Variants in CPNE8 observed in about 807,000 individuals in gnomAD.
CPNE8 encodes the protein copine 8, also known as copine-8.
Under a neutral mutation model 81.5 loss-of-function variants are expected in CPNE8, and 45 were observed. The ratio of observed to expected loss-of-function variants is 0.55; its 90% CI spans 0.44 to 0.71. The LOEUF (loss-of-function observed/expected upper bound fraction) is 0.71. CPNE8 is among the 30% of genes least tolerant of loss of function. The probability of loss-of-function intolerance (pLI) is 0.00; values close to 1 mark genes in which losing one functional copy is unlikely to be tolerated. For synonymous variants in CPNE8, 252 were observed against 226.3 expected (o/e 1.11, Z -1.02); for missense variants, 594 against 672.1 (o/e 0.88, Z 1.28).
Position 38,747,937 on chromosome 12 carries a change from T to C in CPNE8, c.722+12910A>G, listed in dbSNP as rs191329489. Among the ~76,000 whole-genome samples the C allele has an allele frequency of 1.6e-3, 246 of 152,282 alleles. 2 individuals carry two copies. The highest frequency in any genetic ancestry group is 5.6e-3 in the African/African-American group (233 of 41,564). On this transcript the variant is annotated intron_variant, in intron 10 of 19. Transcript: ENST00000331366. Reference sequence around the variant, plus strand: ...TATAAAGCACTCTGTAATTTTCATTTTTCATTTTATTAAAAAAAGCATACT... The same window carrying C: ...TATAAAGCACTCTGTAATTTTCATTCTTCATTTTATTAAAAAAAGCATACT...
chr12:38,900,034 A>T (rs1021262335), intron 1 of CPNE8, among the ~76,000 whole-genome samples: 4 of 152,222 alleles, frequency 2.6e-5, no homozygotes, highest in African/African-American at 9.6e-5. Flanking sequence ...AGCATTTCTT[A>T]AATTTATTTT....
intron 13 of CPNE8, among the ~76,000 whole-genome samples, chr12:38,710,575 C>G (rs1035148166): frequency 6.6e-6 from 1 of 152,184 alleles, no homozygotes; most frequent in African/African-American, 2.4e-5. Flanking sequence ...ATAGCAAATA[C>G]TCTACATGCT....
At chr12:38,797,158 C>T (rs1011154415) in intron 6 of CPNE8, among the ~76,000 whole-genome samples, 4 of 152,318 alleles carry the variant, frequency 2.6e-5, no homozygotes, top group East Asian at 1.9e-4. Context: ...CCTCTGCAGA[C>T]GTAAATGTCC....
At chr12:38,671,271 A>G (rs1033807525) in intron 18 of CPNE8, among the ~76,000 whole-genome samples, 4 of 152,122 alleles carry the variant, frequency 2.6e-5, no homozygotes, top group Non-Finnish European at 4.4e-5. Context: ...CAGCAAAGCC[A>G]TACACATACA....
intron 6 of CPNE8, among the ~76,000 whole-genome samples, chr12:38,814,067 A>G (rs1942981307): frequency 6.6e-6 from 1 of 152,066 alleles, no homozygotes. Context: ...GATAGAAAGA[A>G]TGGAGGGGGA....
intron 5 of CPNE8, among the ~76,000 whole-genome samples, chr12:38,837,945 G>T (rs142938936): frequency 6.6e-6 from 1 of 152,190 alleles, no homozygotes; most frequent in African/African-American, 2.4e-5. Flanking sequence ...ATACATTTAT[G>T]ATTTCTAGGA....
At chr12:38,898,842 A>G (rs1944422618) in intron 1 of CPNE8, among the ~76,000 whole-genome samples, 1 of 152,232 alleles carries the variant, frequency 6.6e-6, no homozygotes, top group South Asian at 2.1e-4. Context: ...GCTTTCGCAG[A>G]TGGTCAGTTA....
At chr12:38,733,538 T>C (rs1332396436) in intron 10 of CPNE8, among the ~76,000 whole-genome samples, 3 of 151,960 alleles carry the variant, frequency 2.0e-5, no homozygotes, top group African/African-American at 4.8e-5. Context: ...ACTGTTTTGC[T>C]ATTTCCTGTT....
At chr12:38,879,942 A>G (rs1213122673) in intron 1 of CPNE8, among the ~76,000 whole-genome samples, 1 of 152,218 alleles carries the variant, frequency 6.6e-6, no homozygotes, top group East Asian at 1.9e-4. Context: ...AAGTGAAACA[A>G]CACATTAAAA....
At chr12:38,780,202 G>T (rs1942020932) in intron 6 of CPNE8, among the ~76,000 whole-genome samples, 1 of 152,050 alleles carries the variant, frequency 6.6e-6, no homozygotes, top group Non-Finnish European at 1.5e-5. Context: ...TGGTTCCCTT[G>T]TAAAAAATCA....
rs552641044 is a variant in CPNE8, at chr12:38,859,979, A to T, written c.187-11317T>A. On this transcript the variant is annotated intron_variant, in intron 3 of 19. Coordinates refer to ENST00000331366, the MANE Select transcript of CPNE8 (RefSeq NM_153634.3). ...ACTCTTAGAAGAAAACATAGGGTAA[A>T]AGTTTCATGACATTGGTCTTGGGCC... 1.6e-4 allele frequency among the ~76,000 whole-genome samples: 24 copies of T among 152,268 alleles called. No homozygotes were observed. The South Asian group carries it at 5.0e-3, about 32-fold the overall frequency.
intron 3 of CPNE8, among the ~76,000 whole-genome samples, chr12:38,859,721 C>G (rs1943801348): frequency 6.6e-6 from 1 of 151,986 alleles, no homozygotes. Flanking sequence ...ATAACAACAG[C>G]CACATGGATC....
intron 3 of CPNE8, among the ~76,000 whole-genome samples, chr12:38,853,385 A>T (rs1943678668): frequency 6.6e-6 from 1 of 152,138 alleles, no homozygotes; most frequent in African/African-American, 2.4e-5. Flanking sequence ...TCTCGTTCTG[A>T]ATATCAATAA....
intron 10 of CPNE8, among the ~76,000 whole-genome samples, chr12:38,742,242 G>A (rs573582296): frequency 5.3e-5 from 8 of 151,948 alleles, no homozygotes; most frequent in South Asian, 2.1e-4. Context: ...TGTTTATTGC[G>A]GCACTATTCA....
At chr12:38,881,591 A>G (rs915644439) in intron 1 of CPNE8, among the ~76,000 whole-genome samples, 1 of 152,212 alleles carries the variant, frequency 6.6e-6, no homozygotes, top group African/African-American at 2.4e-5. Context: ...TATAGTTTCA[A>G]CCTTTGCATG....
chr12:38,830,108 A>G (rs1943260051), intron 5 of CPNE8, among the ~76,000 whole-genome samples: 1 of 152,202 alleles, frequency 6.6e-6, no homozygotes, highest in Non-Finnish European at 1.5e-5. Flanking sequence ...TATAACGTTC[A>G]TTAACATACA....
intron 1 of CPNE8, among the ~76,000 whole-genome samples, chr12:38,902,869 C>T (rs1197283759): frequency 1.3e-5 from 2 of 152,150 alleles, no homozygotes; most frequent in African/African-American, 2.4e-5. Context: ...ATTGTGTAAG[C>T]GCTTTCACAC....
intron 3 of CPNE8, among the ~76,000 whole-genome samples, chr12:38,858,370 C>T (rs768199400): frequency 6.6e-6 from 1 of 152,160 alleles, no homozygotes; most frequent in African/African-American, 2.4e-5. Flanking sequence ...TGGTGTTAAA[C>T]AACAACTTTT....
At chr12:38,834,176 A>T (rs922476583) in intron 5 of CPNE8, among the ~76,000 whole-genome samples, 1 of 152,076 alleles carries the variant, frequency 6.6e-6, no homozygotes, top group African/African-American at 2.4e-5. Context: ...TTCCCTCAAG[A>T]TTCTATCCTA....
Sources: allele counts gnomAD v4.1 joint callset (sites outside exome capture counted in the v4.1 genomes callset), GRCh38; gene constraint gnomAD v4.1.1; transcripts MANE v1.5; gene names NCBI Gene and HGNC (gene_info 2026-07-23, HGNC 2026-07-21).